IL1RAPL1: variants seen among roughly 807,000 people sequenced by gnomAD.
IL1RAPL1 encodes interleukin-1 receptor accessory protein-like 1.
IL1RAPL1 carries 3 observed loss-of-function variants against 48.4 expected under a neutral mutation model. The observed-to-expected ratio is 0.06, with a 90% confidence interval of 0.03 to 0.16. IL1RAPL1 has a LOEUF of 0.16. IL1RAPL1 is among the 10% of genes least tolerant of loss of function. The pLI, the probability that IL1RAPL1 is intolerant of heterozygous loss-of-function variation, is 1.00. For synonymous variants in IL1RAPL1, 185 were observed against 187.7 expected (o/e 0.99, Z 0.12); for missense variants, 349 against 530.6 (o/e 0.66, Z 3.36).
chrX:29,909,757 A>AAACAT (rs1932726538), intron 6 of IL1RAPL1, among the ~76,000 whole-genome samples: 2 of 111,864 alleles, frequency 1.8e-5, no homozygotes, highest in Admixed American at 9.5e-5. Flanking sequence ...TAAAAAGTCA[A>AAACAT]AACATAACAG....
chrX:28,699,329 A>G (rs1935269887), intron 1 of IL1RAPL1, among the ~76,000 whole-genome samples: 1 of 112,217 alleles, frequency 8.9e-6, no homozygotes, highest in Admixed American at 9.5e-5. Context: ...CTATGTACAA[A>G]GAAAGTGTTC....
chrX:29,704,285 A>G (rs1032652674), intron 6 of IL1RAPL1, among the ~76,000 whole-genome samples: 6 of 111,478 alleles, frequency 5.4e-5, no homozygotes, highest in African/African-American at 2.0e-4. Flanking sequence ...TTACATTTTA[A>G]TAAAATGCAT....
intron 1 of IL1RAPL1, among the ~76,000 whole-genome samples, chrX:28,779,659 TA>T: frequency 1.1e-5 from 1 of 88,164 alleles, no homozygotes; most frequent in Admixed American, 1.3e-4. Context: ...TATATATATA[TA>T]TATATATATA....
intron 6 of IL1RAPL1, among the ~76,000 whole-genome samples, chrX:29,842,721 T>A (rs1342073877): frequency 8.9e-6 from 1 of 112,447 alleles, no homozygotes; most frequent in African/African-American, 3.2e-5. Flanking sequence ...ACCTTTGAAG[T>A]TGTATAGTTC....
chrX:29,440,381 G>A (rs1014493582), intron 5 of IL1RAPL1, among the ~76,000 whole-genome samples: 7 of 111,390 alleles, frequency 6.3e-5, no homozygotes, highest in African/African-American at 2.3e-4. Context: ...ACTGGTTGCA[G>A]TTGAAGTAGT....
rs368280021 is a variant in IL1RAPL1, at chrX:29,016,195, C to G, written c.82+226770C>G. Among the ~76,000 whole-genome samples the G allele has an allele frequency of 6.1e-4, 68 of 111,509 alleles. No homozygotes were observed. The South Asian group carries it at 0.022, about 36-fold the overall frequency. ...GCAGATACAATACAGAATGATAAAG[C>G]CTGCACTAGAAGGTTCACATGAAAC... On this transcript the variant is annotated intron_variant, in intron 2 of 10. Coordinates refer to ENST00000378993, the MANE Select transcript of IL1RAPL1 (RefSeq NM_014271.4).
At chrX:28,914,467 CA>C (rs1004934575) in intron 2 of IL1RAPL1, among the ~76,000 whole-genome samples, 2 of 111,732 alleles carry the variant, frequency 1.8e-5, no homozygotes, top group Non-Finnish European at 3.8e-5. Context: ...ATTATTCCAC[CA>C]ACTCTGTATC....
In IL1RAPL1 at chrX:29,093,981, A is replaced by G. The variant is rs182826963; in HGVS notation, c.83-188957A>G. On this transcript the variant is annotated intron_variant, in intron 2 of 10. Transcript: ENST00000378993. ...CCTTTCCCTGGAAACCCAATAGCAG[A>G]GAGCATAATCAAGAATGTATAAATG... is the stretch of plus-strand genomic sequence containing the variant. 5.2e-3 allele frequency among the ~76,000 whole-genome samples: 584 copies of G among 112,208 alleles called. 3 individuals carry two copies. The highest frequency in any genetic ancestry group is 0.018 in the African/African-American group (547 of 30,933).
chrX:28,781,121 A>C (rs1288529551), intron 1 of IL1RAPL1, among the ~76,000 whole-genome samples: 4 of 110,124 alleles, frequency 3.6e-5, no homozygotes, highest in Non-Finnish European at 5.7e-5. Flanking sequence ...AAACTATACA[A>C]ATATATTATC....
intron 1 of IL1RAPL1, among the ~76,000 whole-genome samples, chrX:28,738,040 A>G (rs1182328609): frequency 8.9e-6 from 1 of 112,226 alleles, no homozygotes; most frequent in African/African-American, 3.2e-5. Context: ...GGAAATAATT[A>G]TCCATTCAGA....
intron 3 of IL1RAPL1, among the ~76,000 whole-genome samples, chrX:29,326,279 G>C (rs1932842038): frequency 8.9e-6 from 1 of 112,070 alleles, no homozygotes; most frequent in Admixed American, 9.5e-5. Context: ...TGGATGTAAT[G>C]GTACTTGTAC....
intron 6 of IL1RAPL1, among the ~76,000 whole-genome samples, chrX:29,902,633 C>T (rs1295621629): frequency 9.1e-6 from 1 of 110,086 alleles, no homozygotes; most frequent in African/African-American, 3.3e-5. Flanking sequence ...TAATGTTTGT[C>T]CCATAATAGT....
intron 2 of IL1RAPL1, among the ~76,000 whole-genome samples, chrX:29,137,715 A>G (rs1929160927): frequency 8.9e-6 from 1 of 112,506 alleles, no homozygotes; most frequent in Admixed American, 9.5e-5. Flanking sequence ...TAGTTGACCT[A>G]TCTAAAATCT....
At chrX:29,156,905 C>G (rs1406127347) in intron 2 of IL1RAPL1, among the ~76,000 whole-genome samples, 1 of 111,783 alleles carries the variant, frequency 8.9e-6, no homozygotes, top group Non-Finnish European at 1.9e-5. Flanking sequence ...TTTTGATAGC[C>G]TTTTACCCAA....
intron 6 of IL1RAPL1, among the ~76,000 whole-genome samples, chrX:29,751,775 T>G (rs2147140888): frequency 9.3e-6 from 1 of 107,727 alleles, no homozygotes; most frequent in East Asian, 2.9e-4. Context: ...TACCAAATTA[T>G]TTTTTAATTA....
At chrX:29,442,597 T>G (rs917046428) in intron 5 of IL1RAPL1, among the ~76,000 whole-genome samples, 1 of 112,159 alleles carries the variant, frequency 8.9e-6, no homozygotes, top group Non-Finnish European at 1.9e-5. Context: ...GGCTCATGCT[T>G]GTAATCCCAG....
At chrX:28,917,657 A>G (rs1194008930) in intron 2 of IL1RAPL1, among the ~76,000 whole-genome samples, 1 of 112,235 alleles carries the variant, frequency 8.9e-6, no homozygotes, top group Non-Finnish European at 1.9e-5. Flanking sequence ...CTGGCTCCAC[A>G]TTTCAAACAC....
intron 8 of IL1RAPL1, among the ~76,000 whole-genome samples, chrX:29,923,619 G>A (rs978042879): frequency 8.9e-6 from 1 of 112,035 alleles, no homozygotes; most frequent in African/African-American, 3.2e-5. Flanking sequence ...GTTACTTCTT[G>A]TTCTTGTTAT....
chrX:29,919,146 C>T (rs988413517), intron 7 of IL1RAPL1, among the ~76,000 whole-genome samples: 5 of 111,940 alleles, frequency 4.5e-5, no homozygotes, highest in African/African-American at 1.6e-4. Flanking sequence ...CAGTGGGATT[C>T]CAGAAGGCTA....
Sources: gnomAD v4.1 joint callset for allele counts (sites outside exome capture counted in the v4.1 genomes callset) on GRCh38, gnomAD v4.1.1 for gene constraint, MANE v1.5 for transcripts, NCBI Gene and HGNC (gene_info 2026-07-23, HGNC 2026-07-21) for gene names.